WWOX: variants seen among roughly 807,000 people sequenced by gnomAD.
WWOX encodes WW domain containing oxidoreductase.
Under a neutral mutation model 46.2 loss-of-function variants are expected in WWOX, and 69 were observed. That is an observed-to-expected ratio of 1.49 (90% CI 1.23 to 1.82). The LOEUF is 1.82. WWOX is among the 40% of genes most tolerant of loss of function. The pLI is 0.00. For missense variants in WWOX, 919 were observed against 542.6 expected (o/e 1.69, Z -6.89); for synonymous variants, 359 against 202.6 (o/e 1.77, Z -6.56).
intron 8 of WWOX, among the ~76,000 whole-genome samples, chr16:78,752,485 G>A (rs1344925928): frequency 3.9e-5 from 6 of 152,064 alleles, no homozygotes; most frequent in Non-Finnish European, 4.4e-5. Context: ...ACGGGATTTC[G>A]CCCTGTTGGC....
chr16:79,094,779 CAA>C (rs911500759), intron 8 of WWOX, among the ~76,000 whole-genome samples: 4 of 151,950 alleles, frequency 2.6e-5, no homozygotes, highest in African/African-American at 9.7e-5. Context: ...TTTAAAGAGA[CAA>C]GAGGGAGGAA....
At chr16:78,826,877 C>T (rs951096261) in intron 8 of WWOX, among the ~76,000 whole-genome samples, 1 of 152,232 alleles carries the variant, frequency 6.6e-6, no homozygotes, top group African/African-American at 2.4e-5. Flanking sequence ...CCTCCATCTC[C>T]CTTTCCCTGT....
At chr16:78,996,270 C>A in intron 8 of WWOX, 1 of 984,872 alleles carries the variant, frequency 1.0e-6, no homozygotes, top group Non-Finnish European at 1.2e-6. Context: ...GACCCCTTTT[C>A]AGCTGGGTGC....
At chr16:78,544,401 G>T (rs1348138088) in intron 8 of WWOX, among the ~76,000 whole-genome samples, 2 of 152,138 alleles carry the variant, frequency 1.3e-5, no homozygotes, top group Non-Finnish European at 2.9e-5. Context: ...TTATTAAGTA[G>T]ACATTATCTT....
rs143552077 is a variant in WWOX at position 78,300,848 on chromosome 16, C to T, written c.517-86012C>T. Among the ~76,000 whole-genome samples, 665 of 152,228 alleles carry T rather than the reference C, an allele frequency of 4.4e-3. 3 individuals carry two copies. Among genetic ancestry groups the T allele is most frequent in the South Asian group, 0.015 (70 of 4,808 alleles). ...TATAACTTGTAGGTTGTCAGTGTCT[C>T]CAGGGGCCATATGTTCACCACCTAG... On this transcript the variant is annotated intron_variant, in intron 5 of 8. Transcript: ENST00000566780.
At chr16:79,091,173 A>G (rs934352091) in intron 8 of WWOX, among the ~76,000 whole-genome samples, 1 of 152,164 alleles carries the variant, frequency 6.6e-6, no homozygotes, top group Non-Finnish European at 1.5e-5. Context: ...CACCATAACC[A>G]CATCCTTCCC....
rs564510158 is a variant in WWOX at position 78,999,447 on chromosome 16, G to A, written c.1057-212161G>A. On this transcript the variant is annotated intron_variant, in intron 8 of 8. Coordinates refer to ENST00000566780, the MANE Select transcript of WWOX (RefSeq NM_016373.4). ...ATTGCACCATTGCACTCCAGCCTGGGCAGCAGGAGCGAAACTCCTTCTCAA... is the reference window on the plus strand; with the variant it reads ...ATTGCACCATTGCACTCCAGCCTGGACAGCAGGAGCGAAACTCCTTCTCAA... Among the ~76,000 whole-genome samples, 9 of 152,282 alleles carry A rather than the reference G, an allele frequency of 5.9e-5. No individual in the cohort carries two copies. In the East Asian group the frequency reaches 1.7e-3, roughly 29 times the overall value.
chr16:78,755,633 G>C (rs1053674843), intron 8 of WWOX, among the ~76,000 whole-genome samples: 3 of 152,158 alleles, frequency 2.0e-5, no homozygotes, highest in African/African-American at 7.2e-5. Flanking sequence ...TTGTCACCTG[G>C]AGGAACATCA....
chr16:79,001,739 A>G (rs2047096912), intron 8 of WWOX, among the ~76,000 whole-genome samples: 1 of 150,720 alleles, frequency 6.6e-6, no homozygotes, highest in Non-Finnish European at 1.5e-5. Flanking sequence ...AATGTGGAGG[A>G]AGGGGGCGTT....
intron 8 of WWOX, among the ~76,000 whole-genome samples, chr16:78,565,109 T>A (rs2044533235): frequency 6.6e-6 from 1 of 152,246 alleles, no homozygotes; most frequent in Non-Finnish European, 1.5e-5. Context: ...CATTCATTCA[T>A]CAGAGCAGCA....
intron 8 of WWOX, among the ~76,000 whole-genome samples, chr16:79,171,509 C>CT (rs2050698931): frequency 1.3e-5 from 2 of 152,060 alleles, no homozygotes; most frequent in Non-Finnish European, 1.5e-5. Context: ...TTAAACATTC[C>CT]TTTTTTGCTG....
chr16:78,689,369 C>G (rs2047934683), intron 8 of WWOX, among the ~76,000 whole-genome samples: 1 of 152,232 alleles, frequency 6.6e-6, no homozygotes, highest in East Asian at 1.9e-4. Context: ...CTTTAAGAAA[C>G]TCTGGCTGAG....
Position 78,765,979 on chromosome 16 carries a change from C to G in WWOX, c.1056+333227C>G, listed in dbSNP as rs138035167. On this transcript the variant is annotated intron_variant, in intron 8 of 8. Coordinates refer to ENST00000566780, the MANE Select transcript of WWOX (RefSeq NM_016373.4). ...GCTTGAAAGTATAACAAAAGTATGA[C>G]TAGATCCAGGAAATACAGCTGGAGA... 2.0e-4 allele frequency among the ~76,000 whole-genome samples: 31 copies of G among 152,232 alleles called. No individual in the cohort carries two copies. In the East Asian group the frequency reaches 4.8e-3, roughly 24 times the overall value.
At chr16:78,908,263 G>C (rs982027527) in intron 8 of WWOX, among the ~76,000 whole-genome samples, 14 of 152,124 alleles carry the variant, frequency 9.2e-5, no homozygotes, top group African/African-American at 2.9e-4. Context: ...TTTAGGTCCA[G>C]GCACGGTGGC....
chr16:79,065,923 A>G (rs1597341469), intron 8 of WWOX, among the ~76,000 whole-genome samples: 1 of 152,192 alleles, frequency 6.6e-6, no homozygotes, highest in Non-Finnish European at 1.5e-5. Flanking sequence ...GCTCCCAGGC[A>G]TTGTTCTTGA....
chr16:78,974,625 C>T (rs372976917), intron 8 of WWOX, among the ~76,000 whole-genome samples: 122 of 152,288 alleles, frequency 8.0e-4, no homozygotes, highest in African/African-American at 2.7e-3. Flanking sequence ...AAATATTACA[C>T]GTAGCAAATG....
At chr16:78,707,250 G>C (rs980466446) in intron 8 of WWOX, among the ~76,000 whole-genome samples, 1 of 152,100 alleles carries the variant, frequency 6.6e-6, no homozygotes, top group African/African-American at 2.4e-5. Context: ...TAATTCCTCA[G>C]ATATATTAAA....
chr16:79,085,768 A>C (rs57644355), intron 8 of WWOX, among the ~76,000 whole-genome samples: 1 of 152,332 alleles, frequency 6.6e-6, no homozygotes, highest in Admixed American at 6.5e-5. Flanking sequence ...GTCAGTAGCC[A>C]GGCATAGTGG....
intron 8 of WWOX, among the ~76,000 whole-genome samples, chr16:78,821,926 C>A (rs1227634314): frequency 6.6e-6 from 1 of 152,116 alleles, no homozygotes; most frequent in Non-Finnish European, 1.5e-5. Context: ...GTTGCTCAGG[C>A]TAGAGTGCTG....
Sources: gnomAD v4.1 joint callset for allele counts (sites outside exome capture counted in the v4.1 genomes callset) on GRCh38, gnomAD v4.1.1 for gene constraint, MANE v1.5 for transcripts, NCBI Gene and HGNC (gene_info 2026-07-23, HGNC 2026-07-21) for gene names.